The following CCDC157 variants were observed in gnomAD, a reference collection of about 807,000 sequenced individuals.
CCDC157 encodes the protein coiled-coil domain-containing protein 157.
Under a neutral mutation model 70.9 loss-of-function variants are expected in CCDC157, and 60 were observed. That is an observed-to-expected ratio of 0.85 (90% CI 0.69 to 1.05). The LOEUF (loss-of-function observed/expected upper bound fraction) is 1.05. Among genes scored for constraint, CCDC157 ranks in the 50% least tolerant of loss-of-function variants. The probability of loss-of-function intolerance (pLI) is 0.00; values close to 1 mark genes in which losing one functional copy is unlikely to be tolerated. For synonymous variants in CCDC157, 373 were observed against 422.4 expected (o/e 0.88, Z 1.43); for missense variants, 943 against 984.2 (o/e 0.96, Z 0.56).
chr22:30,356,961 G>A (rs1022619382), upstream of CCDC157: 19 of 529,686 alleles, frequency 3.6e-5, no homozygotes, highest in Non-Finnish European at 4.9e-5. Context: ...CCCTCGCCGT[G>A]ACGCGCTTCC....
intron 5 of CCDC157, 159 bp downstream of exon 5, chr22:30,371,109 G>A: frequency 1.1e-6 from 1 of 877,618 alleles, no homozygotes; most frequent in Non-Finnish European, 1.7e-6. Context: ...GCAAGGAAGG[G>A]GGTGTTCATC....
At chr22:30,375,871 T>TGTC (rs1933317296) in intron 10 of CCDC157, 1 of 580,982 alleles carries the variant, frequency 1.7e-6, no homozygotes, top group African/African-American at 1.9e-5. Context: ...CCTCTATAGC[T>TGTC]GTCATTCCTT....
rs778391104 is a variant in CCDC157, at chr22:30,376,686, C to T, written c.2200C>T (p.Leu734=). The change falls in exon 12 of 12, where the codon CTG becomes TTG. Residue 734 remains leucine, a synonymous_variant. Transcript: ENST00000338306. ...IKVLVRLRKR[L]SPGRGQASSA... ...GGTCTTGGTCAGGCTGAGAAAGAGA[C>T]TGTCACCTGGCCGGGGACAGGCCAG... The T allele has an allele frequency of 8.1e-6, 13 of 1,613,452 alleles. No homozygotes were observed. Among genetic ancestry groups the T allele is most frequent in the East Asian group, 2.2e-5 (1 of 44,882 alleles).
At position 30,376,871 on chromosome 22, in the gene CCDC157, C is replaced by A; in HGVS notation, c.*126C>A. 1.0e-6 allele frequency: 1 copy of A among 967,670 alleles called. No homozygotes were observed. Among genetic ancestry groups the A allele is most frequent in the Non-Finnish European group, 1.5e-6 (1 of 659,942 alleles). The allele number at this position is 967,670 out of a possible 1,614,324, so 59.9% of individuals were successfully genotyped here. The stretch of plus-strand genomic sequence containing the variant: ...TGACTGAGCCAAGGAAAGAACCCTT[C>A]CTTCCCTGTCCTGGGCAGGGGCCAC... On this transcript the variant is annotated 3_prime_UTR_variant, in exon 12 of 12. Coordinates refer to ENST00000338306, the MANE Select transcript of CCDC157 (RefSeq NM_001017437.5).
chr22:30,360,650 G>A (rs1932269916), intron 1 of CCDC157, among the ~76,000 whole-genome samples: 1 of 152,170 alleles, frequency 6.6e-6, no homozygotes, highest in African/African-American at 2.4e-5. Context: ...GATAGTTCAT[G>A]CCTGTAATCC....
chr22:30,357,826 ATTT>A, intron 1 of CCDC157, among the ~76,000 whole-genome samples: 1 of 146,918 alleles, frequency 6.8e-6, no homozygotes, highest in South Asian at 2.2e-4. Context: ...CAGTTTTTAA[ATTT>A]TTTTTTTTGT....
Position 30,368,310 on chromosome 22 carries a change from G to C in CCDC157, c.249-1122G>C, listed in dbSNP as rs1601729082. Among the ~76,000 whole-genome samples, 3 of 152,294 alleles carry C rather than the reference G, an allele frequency of 2.0e-5. No homozygotes were observed. The East Asian group carries it at 5.8e-4, about 29-fold the overall frequency. On this transcript the variant is annotated intron_variant, in intron 3 of 11. Coordinates refer to ENST00000338306, the MANE Select transcript of CCDC157 (RefSeq NM_001017437.5). ...ACTGTCCCTCTGCTAGGAGTGTCCTGCCCATCCATCATGGCCTGGTTTACC... is the reference window on the plus strand; with the variant it reads ...ACTGTCCCTCTGCTAGGAGTGTCCTCCCCATCCATCATGGCCTGGTTTACC...
Position 30,376,773 on chromosome 22 carries a change from G to A in CCDC157, c.*28G>A, listed in dbSNP as rs376021941. The A allele has an allele frequency of 2.8e-4, 447 of 1,587,924 alleles. No homozygotes were observed. Among genetic ancestry groups the A allele is most frequent in the Middle Eastern group, 8.6e-4 (5 of 5,822 alleles). ...TGTGGCCCAGGGCTGAGGCTGGATG[G>A]GAGGTGGCTGGCAGCCCACCCACTG... On this transcript the variant is annotated 3_prime_UTR_variant, in exon 12 of 12. Coordinates refer to ENST00000338306, the MANE Select transcript of CCDC157 (RefSeq NM_001017437.5).
In CCDC157 at chr22:30,370,647, C is replaced by T. The variant is rs1354181307; in HGVS notation, c.742C>T (p.Pro248Ser). 8 of 1,613,910 alleles carry T rather than the reference C, an allele frequency of 5.0e-6. No individual in the cohort carries two copies. Among genetic ancestry groups the T allele is most frequent in the Non-Finnish European group, 6.8e-6 (8 of 1,180,022 alleles). Residue 248 changes from proline to serine, a missense_variant, in exon 5 of 12, where the codon CCC becomes TCC. By Grantham distance (74) the Pro-to-Ser change is moderately conservative. Coordinates refer to ENST00000338306, the MANE Select transcript of CCDC157 (RefSeq NM_001017437.5). ...CAGCCTGTGTCAGAGCCAGAACCTGCCCTCGTCCTTAGGCCAGTTCCAGCA... is the reference window on the plus strand; with the variant it reads ...CAGCCTGTGTCAGAGCCAGAACCTGTCCTCGTCCTTAGGCCAGTTCCAGCA... ...VISLCQSQNL[P>S]SSLGQFQQLV...
At position 30,360,514 on chromosome 22, in the gene CCDC157, A is replaced by AG. The variant is rs545278061; in HGVS notation, c.-165-1447_-165-1446insG. Reference sequence around the variant, plus strand: ...AGCGAGACTCCGTCTCAAAAAAAAAAAAAAGTTTTCCCTGACATGGAAACC... The same window carrying AG: ...AGCGAGACTCCGTCTCAAAAAAAAAAGAAAAGTTTTCCCTGACATGGAAACC... On this transcript the variant is annotated intron_variant, in intron 1 of 11. Transcript: ENST00000338306. 1.5e-3 allele frequency among the ~76,000 whole-genome samples: 223 copies of AG among 152,284 alleles called. 2 individuals are homozygous for AG. The highest frequency in any genetic ancestry group is 5.0e-3 in the African/African-American group (208 of 41,562).
intron 3 of CCDC157, chr22:30,368,872 A>G (rs1259896386): frequency 1.3e-5 from 2 of 152,260 alleles, no homozygotes; most frequent in African/African-American, 4.8e-5. Context: ...GCCTGACTGT[A>G]GTTTTAAACT....
chr22:30,365,039 G>A (rs906917532), intron 2 of CCDC157, among the ~76,000 whole-genome samples: 1 of 152,162 alleles, frequency 6.6e-6, no homozygotes, highest in African/African-American at 2.4e-5. Context: ...GCCGCACTGG[G>A]GATACCACAG....
At chr22:30,375,393 G>C in intron 9 of CCDC157, 86 bp from the exon 10 acceptor site, 1 of 1,276,584 alleles carries the variant, frequency 7.8e-7, no homozygotes. Context: ...AGGAGGCCTG[G>C]TGCACTACAC....
chr22:30,377,201 T>TC lies in CCDC157; in HGVS notation c.*459dup, dbSNP rs997025089. The TC allele has an allele frequency of 5.3e-6, 1 of 187,952 alleles. No individual in the cohort carries two copies. Among genetic ancestry groups the TC allele is most frequent in the African/African-American group, 2.3e-5 (1 of 43,372 alleles). The allele number at this position is 187,952 out of a possible 1,614,324, so 11.6% of individuals were successfully genotyped here. ...GCAGAGGGCAGCAACGCCTTCAGCC[T>TC]CCCACCCTGGCTCTGGACCTGCGCT... On this transcript the variant is annotated 3_prime_UTR_variant, in exon 12 of 12. Transcript: ENST00000338306.
At chr22:30,357,797 G>T (rs1385207088) in intron 1 of CCDC157, among the ~76,000 whole-genome samples, 1 of 151,758 alleles carries the variant, frequency 6.6e-6, no homozygotes, top group Non-Finnish European at 1.5e-5. Flanking sequence ...GGTTACAGGC[G>T]TGAGCCACCG....
In CCDC157 at chr22:30,371,412, G is replaced by C. The variant is rs907677838; in HGVS notation, c.1046-238G>C. On this transcript the variant is annotated intron_variant, in intron 5 of 11. Transcript: ENST00000338306. The stretch of plus-strand genomic sequence containing the variant: ...GCCCTTTCTGAGCCTCATCACAGTT[G>C]CCTCCATGGACGACACCAAGGCCCA... The C allele has an allele frequency of 8.9e-6, 5 of 559,444 alleles. No individual in the cohort carries two copies. In the Admixed American group the frequency reaches 1.2e-4, roughly 14 times the overall value. 34.7% of individuals were successfully genotyped at this position (559,444 alleles called of 1,614,324 possible).
chr22:30,362,806 A>G (rs1379561513), intron 2 of CCDC157, among the ~76,000 whole-genome samples: 5 of 152,070 alleles, frequency 3.3e-5, no homozygotes, highest in Non-Finnish European at 5.9e-5. Flanking sequence ...GGAAAGAGGG[A>G]ACTCAGGAAA....
Position 30,376,239 on chromosome 22 carries a change from CTTTTTT to C in CCDC157, c.1858-10_1858-5del. Reference sequence around the variant, plus strand: ...GACTCCTGGGCCCTTATAAGACTGGCTTTTTTTTTTTTTTTGTAGCTGATCCCGCAG... The same window carrying C: ...GACTCCTGGGCCCTTATAAGACTGGCTTTTTTTTTGTAGCTGATCCCGCAG... On this transcript the variant is annotated splice_polypyrimidine_tract_variant and intron_variant, in intron 10 of 11. Coordinates refer to ENST00000338306, the MANE Select transcript of CCDC157 (RefSeq NM_001017437.5). The C allele has an allele frequency of 6.9e-7, 1 of 1,451,424 alleles. No homozygotes were observed. Among genetic ancestry groups the C allele is most frequent in the South Asian group, 1.2e-5 (1 of 82,800 alleles). 89.9% of individuals were successfully genotyped at this position (1,451,424 alleles called of 1,614,324 possible).
rs1933149326 is a variant in CCDC157 at position 30,374,007 on chromosome 22, C to CGGGAGCTGG, written c.1589_1597dup (p.Leu532_Glu533insGlyGluLeu). The CGGGAGCTGG allele has an allele frequency of 1.2e-6, 2 of 1,612,272 alleles. No homozygotes were observed. The highest frequency in any genetic ancestry group is 8.5e-7 in the Non-Finnish European group (1 of 1,179,388). ...GCGGCTAACCATCCTGGAGCTAGAACGGGAGCTGGAGGAGCTGAAGGAGCG... is the reference window on the plus strand; with the variant it reads ...GCGGCTAACCATCCTGGAGCTAGAACGGGAGCTGGGGGAGCTGGAGGAGCTGAAGGAGCG... On this transcript the variant is annotated inframe_insertion, in exon 9 of 12. Coordinates refer to ENST00000338306, the MANE Select transcript of CCDC157 (RefSeq NM_001017437.5).
Sources: allele counts gnomAD v4.1 joint callset (sites outside exome capture counted in the v4.1 genomes callset), GRCh38; gene constraint gnomAD v4.1.1; transcripts MANE v1.5; gene names NCBI Gene and HGNC (gene_info 2026-07-23, HGNC 2026-07-21).